NQO2: variants seen among roughly 807,000 people sequenced by gnomAD.
NQO2 encodes N-ribosyldihydronicotinamide:quinone dehydrogenase 2, also known as ribosyldihydronicotinamide dehydrogenase [quinone].
A neutral mutation model predicts 22.0 loss-of-function variants in NQO2; 18 were observed. The observed-to-expected ratio is 0.82, with a 90% CI of 0.56 to 1.21. The LOEUF (loss-of-function observed/expected upper bound fraction) is 1.21. NQO2 is among the 50% of genes most tolerant of loss of function. The probability of loss-of-function intolerance (pLI) is 0.00; values close to 1 mark genes in which losing one functional copy is unlikely to be tolerated. For missense variants in NQO2, 267 were observed against 286.9 expected (o/e 0.93, Z 0.50); for synonymous variants, 106 against 110.8 (o/e 0.96, Z 0.28).
intron 6 of NQO2, 79 bp from the exon 7 acceptor site, chr6:3,019,400 C>T (rs45445297): frequency 0.037 from 54,838 of 1,486,654 alleles, 1,405 homozygotes; most frequent in African/African-American, 0.13. Context: ...CACACCATTT[C>T]CCCCCTTAAA....
At chr6:3,012,812 T>C in intron 4 of NQO2, 138 bp downstream of exon 4, 1 of 830,954 alleles carries the variant, frequency 1.2e-6, no homozygotes, top group Non-Finnish European at 1.9e-6. Flanking sequence ...GCAAATATTG[T>C]AACCTGGTTA....
chr6:3,003,994 G>A (rs900059442), intron 1 of NQO2, among the ~76,000 whole-genome samples: 1 of 151,672 alleles, frequency 6.6e-6, no homozygotes, highest in African/African-American at 2.4e-5. Context: ...CCTGCCCTTG[G>A]TGCATAGCCT....
intron 1 of NQO2, chr6:3,002,170 G>A (rs1389368854): frequency 1.0e-6 from 1 of 983,982 alleles, no homozygotes; most frequent in Non-Finnish European, 1.2e-6. Context: ...TGGATGCCCT[G>A]TCTAGAGGAG....
chr6:3,008,835 A>C, intron 2 of NQO2, among the ~76,000 whole-genome samples: 1 of 152,212 alleles, frequency 6.6e-6, no homozygotes, highest in Admixed American at 6.5e-5. Context: ...GCAAGTTTTT[A>C]TTAGTGATTT....
intron 1 of NQO2, chr6:3,002,099 TA>T (rs1483149138): frequency 2.0e-6 from 1 of 491,364 alleles, no homozygotes; most frequent in Non-Finnish European, 2.6e-6. Context: ...CCATATGATG[TA>T]AACATGTAAA....
At chr6:3,015,911 C>T (rs531487944) in intron 5 of NQO2, among the ~76,000 whole-genome samples, 28 of 152,122 alleles carry the variant, frequency 1.8e-4, no homozygotes, top group Non-Finnish European at 3.5e-4. Flanking sequence ...TGTCAGGTGA[C>T]GGGGGACCTG....
At chr6:3,013,247 G>A (rs1478502154) in intron 4 of NQO2, among the ~76,000 whole-genome samples, 8 of 152,044 alleles carry the variant, frequency 5.3e-5, no homozygotes, top group Admixed American at 1.3e-4. Flanking sequence ...GAGCCACCGC[G>A]CCCGGCCGAT....
At chr6:3,001,197 C>T (rs9392449) in intron 1 of NQO2, among the ~76,000 whole-genome samples, 27,799 of 150,676 alleles carry the variant, frequency 0.18, 2,796 homozygotes, top group Non-Finnish European at 0.22. Flanking sequence ...TCAAGCTATT[C>T]TCCTGCCTCA....
At chr6:3,017,812 C>T (rs55719619) in intron 6 of NQO2, among the ~76,000 whole-genome samples, 8,542 of 152,142 alleles carry the variant, frequency 0.056, 289 homozygotes, top group Middle Eastern at 0.092. Flanking sequence ...GGGGAGAGCT[C>T]GTTCTTGAGG....
At position 3,018,833 on chromosome 6, in the gene NQO2, C is replaced by CTT. The variant is rs61544075; in HGVS notation, c.520-636_520-635dup. ...AAATTCTTCTTGCTTTTAAAAAAAT[C>CTT]TTTTTTTTTTTCAGTTTGCAGAAGT... On this transcript the variant is annotated intron_variant, in intron 6 of 6. Coordinates refer to ENST00000380455, the MANE Select transcript of NQO2 (RefSeq NM_000904.6). Among the ~76,000 whole-genome samples, 223 of 141,964 alleles carry CTT rather than the reference C, an allele frequency of 1.6e-3. 2 individuals carry two copies. Among genetic ancestry groups the CTT allele is most frequent in the African/African-American group, 5.6e-3 (216 of 38,876 alleles). 93.1% of individuals were successfully genotyped at this position (141,964 alleles called of 152,430 possible). A position where few individuals can be genotyped will look rare whatever the true frequency, so the allele number is the denominator to read the frequency against.
chr6:3,016,943 A>G lies in NQO2; in HGVS notation c.477A>G (p.Thr159=), dbSNP rs1268392649. The G allele has an allele frequency of 6.2e-7, 1 of 1,614,002 alleles. No individual in the cohort carries two copies. Among genetic ancestry groups the G allele is most frequent in the Non-Finnish European group, 8.5e-7 (1 of 1,180,034 alleles). Reference sequence around the variant, plus strand: ...GCACGGCCGAGATGTACACGAAGACAGGAGTCAATGGAGATTCTCGATACT... The same window carrying G: ...GCACGGCCGAGATGTACACGAAGACGGGAGTCAATGGAGATTCTCGATACT... ...TGGTAEMYTK[T]GVNGDSRYFL... The change falls in exon 6 of 7, where the codon ACA becomes ACG. Residue 159 remains threonine (T), a synonymous_variant. Coordinates refer to ENST00000380455, the MANE Select transcript of NQO2 (RefSeq NM_000904.6).
chr6:3,003,811 G>T, intron 1 of NQO2: 1 of 956,156 alleles, frequency 1.0e-6, no homozygotes, highest in Non-Finnish European at 1.2e-6. Flanking sequence ...CAAAGCCTGT[G>T]CCTGGAGCAC....
intron 4 of NQO2, among the ~76,000 whole-genome samples, chr6:3,014,647 A>G (rs1757263170): frequency 6.6e-6 from 1 of 152,086 alleles, no homozygotes; most frequent in Admixed American, 6.5e-5. Flanking sequence ...TAGTTTGTCC[A>G]GAGGGTCTGC....
chr6:3,009,001 T>C (rs60902033), intron 2 of NQO2, among the ~76,000 whole-genome samples: 5,662 of 152,206 alleles, frequency 0.037, 117 homozygotes, highest in African/African-American at 0.055. Context: ...TTGGGCACCA[T>C]TGTCATTGAG....
intron 6 of NQO2, 199 bp from the exon 7 acceptor site, chr6:3,019,280 C>G: frequency 2.3e-6 from 2 of 867,908 alleles, no homozygotes; most frequent in Non-Finnish European, 1.4e-6. Flanking sequence ...GCAACTGCCC[C>G]AAGTTCTTCA....
At chr6:3,005,618 C>T (rs1581320704) in intron 1 of NQO2, 1 of 984,412 alleles carries the variant, frequency 1.0e-6, no homozygotes, top group South Asian at 4.7e-5. Context: ...TTTATCTGAG[C>T]TGTTTTTTTA....
At chr6:3,017,586 G>C (rs1416178317) in intron 6 of NQO2, among the ~76,000 whole-genome samples, 1 of 152,206 alleles carries the variant, frequency 6.6e-6, no homozygotes. Flanking sequence ...GAGTGTCCCT[G>C]GGCCTGAAAT....
chr6:3,015,237 G>C (rs753815549), intron 4 of NQO2: 85 of 1,403,050 alleles, frequency 6.1e-5, no homozygotes, highest in Non-Finnish European at 7.4e-5. Flanking sequence ...TCCAAAGCTG[G>C]TGTTACGCAC....
intron 5 of NQO2, 124 bp from the exon 6 acceptor site, chr6:3,016,760 A>C: frequency 6.7e-7 from 1 of 1,483,678 alleles, no homozygotes. Flanking sequence ...GCATTTGTCC[A>C]TCCCTGGAGG....
Sources: gnomAD v4.1 joint callset for allele counts (sites outside exome capture counted in the v4.1 genomes callset) on GRCh38, gnomAD v4.1.1 for gene constraint, MANE v1.5 for transcripts, NCBI Gene and HGNC (gene_info 2026-07-23, HGNC 2026-07-21) for gene names.